The following BCL7A variants were observed in gnomAD, a reference collection of about 807,000 sequenced individuals.
BCL7A encodes the protein BAF chromatin remodeling complex subunit BCL7A.
Under a neutral mutation model 28.4 loss-of-function variants are expected in BCL7A, and 11 were observed. That is an observed-to-expected ratio of 0.39 (90% CI 0.24 to 0.64). BCL7A has a LOEUF of 0.64. BCL7A is among the 30% of genes least tolerant of loss of function. The probability of loss-of-function intolerance (pLI) is 0.50; values close to 1 mark genes in which losing one functional copy is unlikely to be tolerated. For missense variants in BCL7A, 222 were observed against 274.8 expected (o/e 0.81, Z 1.36); for synonymous variants, 123 against 103.3 (o/e 1.19, Z -1.15).
At chr12:122,048,182 C>T (rs532453171) in intron 4 of BCL7A, among the ~76,000 whole-genome samples, 2 of 151,754 alleles carry the variant, frequency 1.3e-5, no homozygotes, top group Non-Finnish European at 2.9e-5. Flanking sequence ...GGATTATAGG[C>T]GTGAGCCACT....
chr12:122,030,689 A>T lies in BCL7A; in HGVS notation c.93-11A>T, dbSNP rs374452380. On this transcript the variant is annotated splice_polypyrimidine_tract_variant and intron_variant, in intron 1 of 5. Coordinates refer to ENST00000261822, the MANE Select transcript of BCL7A (RefSeq NM_001024808.3). ...AGTCCCCGGTAACAGGCTCTTCCTC[A>T]TCCTCCTCAGGGAGAAGAAATGGGT... 5.2e-4 allele frequency: 832 copies of T among 1,612,958 alleles called. 15 individuals are homozygous for T. The South Asian group carries it at 8.5e-3, about 16-fold the overall frequency.
chr12:122,054,300 G>C (rs868822026), intron 4 of BCL7A, among the ~76,000 whole-genome samples: 18 of 152,266 alleles, frequency 1.2e-4, no homozygotes, highest in South Asian at 4.1e-4. Context: ...TGTTAGCCAG[G>C]ATGGTCTCGA....
chr12:122,038,431 C>CAAAAAA lies in BCL7A; in HGVS notation c.271+3027_271+3032dup, dbSNP rs56376395. 9.5e-4 allele frequency among the ~76,000 whole-genome samples: 32 copies of CAAAAAA among 33,536 alleles called. 1 individual carries two copies. The highest frequency in any genetic ancestry group is 1.2e-3 in the Non-Finnish European group (17 of 14,072). 22.0% of individuals were successfully genotyped at this position (33,536 alleles called of 152,430 possible). ...TGGGCAAAGGAGCGAGACTCTGCCT[C>CAAAAAA]AAAAAAAAAAAAAAAAAAAAAAAAA... On this transcript the variant is annotated intron_variant, in intron 3 of 5. Coordinates refer to ENST00000261822, the MANE Select transcript of BCL7A (RefSeq NM_001024808.3).
intron 4 of BCL7A, among the ~76,000 whole-genome samples, chr12:122,052,996 T>A (rs1884227321): frequency 6.7e-6 from 1 of 150,276 alleles, no homozygotes; most frequent in African/African-American, 2.5e-5. Flanking sequence ...AGCCTGTTTT[T>A]GTTGTTGTTG....
intron 4 of BCL7A, among the ~76,000 whole-genome samples, chr12:122,045,147 G>A (rs537512856): frequency 2.3e-4 from 35 of 152,228 alleles, no homozygotes; most frequent in South Asian, 8.3e-4. Flanking sequence ...TTGGGAGGCC[G>A]AGGCAGGCGG....
At chr12:122,054,423 G>T (rs1036452783) in intron 4 of BCL7A, among the ~76,000 whole-genome samples, 5 of 152,212 alleles carry the variant, frequency 3.3e-5, no homozygotes, top group African/African-American at 4.8e-5. Context: ...TTTACAAAAG[G>T]TTAGGACGAA....
Position 122,059,651 on chromosome 12 carries a change from C to T in BCL7A, c.*488C>T. The T allele has an allele frequency of 4.3e-6, 1 of 233,572 alleles. No homozygotes were observed. The highest frequency in any genetic ancestry group is 8.4e-6 in the Non-Finnish European group (1 of 118,418). The allele number at this position is 233,572 out of a possible 1,614,324, so 14.5% of individuals were successfully genotyped here. A position where few individuals can be genotyped will look rare whatever the true frequency, so the allele number is the denominator to read the frequency against. The stretch of plus-strand genomic sequence containing the variant: ...TCTTACATCCCCCTCTGCAAAGTGC[C>T]CTCTTGGTTTGGTTCGGGCGGCGGC... On this transcript the variant is annotated 3_prime_UTR_variant, in exon 6 of 6. Transcript: ENST00000261822. The surrounding 1 kb of genome is among the most constrained non-coding windows in gnomAD (Gnocchi z 4.0).
chr12:122,055,395 A>G (rs1002643051), intron 5 of BCL7A, among the ~76,000 whole-genome samples: 1 of 152,156 alleles, frequency 6.6e-6, no homozygotes, highest in South Asian at 2.1e-4. Context: ...TCTGGTCTGA[A>G]TGAGTCAGCA....
chr12:122,050,298 T>TGGG lies in BCL7A; in HGVS notation c.440-4499_440-4497dup, dbSNP rs58969734. 5.0e-3 allele frequency among the ~76,000 whole-genome samples: 593 copies of TGGG among 118,520 alleles called. 5 individuals are homozygous for TGGG. The highest frequency in any genetic ancestry group is 0.015 in the African/African-American group (562 of 36,912). The allele number at this position is 118,520 out of a possible 152,430, so 77.8% of individuals were successfully genotyped here. A position where few individuals can be genotyped will look rare whatever the true frequency, so the allele number is the denominator to read the frequency against. Reference sequence around the variant, plus strand: ...ACCAGTCTTGGATCCTTCTTTATTGTGGGGGGGGGGCCATCCTGTGCATTG... The same window carrying TGGG: ...ACCAGTCTTGGATCCTTCTTTATTGTGGGGGGGGGGGGGCCATCCTGTGCATTG... On this transcript the variant is annotated intron_variant, in intron 4 of 5. Coordinates refer to ENST00000261822, the MANE Select transcript of BCL7A (RefSeq NM_001024808.3).
intron 1 of BCL7A, 107 bp from the exon 2 acceptor site, chr12:122,030,593 C>T: frequency 3.8e-6 from 4 of 1,052,634 alleles, no homozygotes; most frequent in Non-Finnish European, 5.9e-6. Flanking sequence ...GGGATTCCAA[C>T]CCTCATCTGT....
chr12:122,044,960 G>T (rs1388656138), intron 4 of BCL7A, among the ~76,000 whole-genome samples: 2 of 152,176 alleles, frequency 1.3e-5, no homozygotes, highest in Non-Finnish European at 2.9e-5. Context: ...GAGAGTTGCA[G>T]TTTTAAATGG....
At chr12:122,026,628 T>G (rs147592933) in intron 1 of BCL7A, among the ~76,000 whole-genome samples, 1 of 152,318 alleles carries the variant, frequency 6.6e-6, no homozygotes, top group Non-Finnish European at 1.5e-5. Flanking sequence ...GGTTTCATCA[T>G]GGAGACATTC....
chr12:122,032,039 C>T (rs1883756416), intron 2 of BCL7A, among the ~76,000 whole-genome samples: 1 of 152,230 alleles, frequency 6.6e-6, no homozygotes, highest in Admixed American at 6.5e-5. Flanking sequence ...GCTGCGGCCA[C>T]TCCTGGGAGT....
At position 122,034,190 on chromosome 12, in the gene BCL7A, CATATAT is replaced by C. The variant is rs55770934; in HGVS notation, c.175-1092_175-1087del. ...TGAGGCTCACGTATCCTGCATCTTT[CATATAT>C]ATATATATATATATATATATATATA... On this transcript the variant is annotated intron_variant, in intron 2 of 5. Transcript: ENST00000261822. Among the ~76,000 whole-genome samples, 497 of 96,796 alleles carry C rather than the reference CATATAT, an allele frequency of 5.1e-3. 6 individuals carry two copies. The highest frequency in any genetic ancestry group is 0.01 in the South Asian group (25 of 2,408). The allele number at this position is 96,796 out of a possible 152,430, so 63.5% of individuals were successfully genotyped here.
intron 3 of BCL7A, among the ~76,000 whole-genome samples, chr12:122,043,463 T>C (rs1051802189): frequency 6.6e-6 from 1 of 151,518 alleles, no homozygotes; most frequent in Non-Finnish European, 1.5e-5. Context: ...GGAGGAGGCG[T>C]ATCCAGTATC....
chr12:122,036,632 C>T (rs1042711847), intron 3 of BCL7A, among the ~76,000 whole-genome samples: 3 of 147,082 alleles, frequency 2.0e-5, no homozygotes, highest in Admixed American at 2.0e-4. Context: ...CCGAGCTAGT[C>T]CCCAGTGTCC....
intron 3 of BCL7A, among the ~76,000 whole-genome samples, chr12:122,037,896 C>T (rs1014423781): frequency 9.9e-5 from 15 of 152,066 alleles, no homozygotes; most frequent in East Asian, 1.9e-4. Flanking sequence ...TTGCGGTGAG[C>T]GGAGATTGCG....
rs563344124 is a variant in BCL7A, at chr12:122,035,837, T to G, written c.271+410T>G. Among the ~76,000 whole-genome samples the G allele has an allele frequency of 2.0e-5, 3 of 152,246 alleles. No homozygotes were observed. In the East Asian group the frequency reaches 5.8e-4, roughly 29 times the overall value. ...ATCTCCAAACTGGATTTTGTTTGTT[T>G]GTTTTGTTTTGTTTTGTTTTTGAGA... On this transcript the variant is annotated intron_variant, in intron 3 of 5. Transcript: ENST00000261822.
At chr12:122,049,357 C>T (rs1343379800) in intron 4 of BCL7A, among the ~76,000 whole-genome samples, 1 of 151,844 alleles carries the variant, frequency 6.6e-6, no homozygotes, top group Non-Finnish European at 1.5e-5. Flanking sequence ...AGGCCTCCCT[C>T]GCTCAATGGG....
Sources: allele counts gnomAD v4.1 joint callset (sites outside exome capture counted in the v4.1 genomes callset), GRCh38; gene constraint gnomAD v4.1.1; non-coding constraint Gnocchi (gnomAD v3.1); transcripts MANE v1.5; gene names NCBI Gene and HGNC (gene_info 2026-07-23, HGNC 2026-07-21).